Variants in BASP1 observed in about 807,000 individuals in gnomAD.
The protein encoded by BASP1 is brain acid soluble protein 1.
BASP1 carries 1 observed loss-of-function variant against 2.2 expected under a neutral mutation model. The observed-to-expected ratio is 0.46, with a 90% CI of 0.16 to 2.17. The LOEUF (loss-of-function observed/expected upper bound fraction) is 2.17. BASP1 is among the 30% of genes most tolerant of loss of function. The probability of loss-of-function intolerance (pLI) is 0.27; values close to 1 mark genes in which losing one functional copy is unlikely to be tolerated. For synonymous variants in BASP1, 187 were observed against 154.2 expected, an observed-to-expected ratio of 1.21 and a Z score of -1.58; for missense variants, 352 against 327.2, an observed-to-expected ratio of 1.08 and a Z score of -0.58.
intron 1 of BASP1, among the ~76,000 whole-genome samples, chr5:17,218,188 G>A (rs2126482721): frequency 6.6e-6 from 1 of 151,340 alleles, no homozygotes; most frequent in Admixed American, 6.6e-5. Context: ...GGTTCTGTGG[G>A]CTGAAGGGAG....
chr5:17,253,835 G>A (rs1473941337), intron 1 of BASP1, among the ~76,000 whole-genome samples: 1 of 152,072 alleles, frequency 6.6e-6, no homozygotes, highest in East Asian at 1.9e-4. Context: ...AAATTTACGT[G>A]TGTTTTACTC....
chr5:17,267,399 C>T (rs1241836667), intron 1 of BASP1, among the ~76,000 whole-genome samples: 1 of 152,140 alleles, frequency 6.6e-6, no homozygotes, highest in African/African-American at 2.4e-5. Context: ...TCATTCCTTA[C>T]AGAGTTTACA....
chr5:17,225,271 T>TA (rs3215105), intron 1 of BASP1, among the ~76,000 whole-genome samples: 96 of 146,654 alleles, frequency 6.5e-4, no homozygotes, highest in East Asian at 3.2e-3. Context: ...CTAGAACCAT[T>TA]AAAAAAAAAA....
chr5:17,226,317 AC>A (rs1237335200), intron 1 of BASP1, among the ~76,000 whole-genome samples: 1 of 152,212 alleles, frequency 6.6e-6, no homozygotes, highest in Non-Finnish European at 1.5e-5. Context: ...TTAGATAAAA[AC>A]TTTTCCTGGT....
chr5:17,270,889 T>A lies in BASP1; in HGVS notation c.-9-4319T>A, dbSNP rs146240801. Among the ~76,000 whole-genome samples the A allele has an allele frequency of 1.2e-3, 187 of 152,324 alleles. 2 individuals carry two copies. In the East Asian group the frequency reaches 0.025, roughly 21 times the overall value. The stretch of plus-strand genomic sequence containing the variant: ...CGGAAGGACGATGAGATTAAATAAC[T>A]TGCCCAAGGATTCTGGGTGGGTGTG... On this transcript the variant is annotated intron_variant, in intron 1 of 1. Coordinates refer to ENST00000322611, the MANE Select transcript of BASP1 (RefSeq NM_006317.5).
intron 1 of BASP1, among the ~76,000 whole-genome samples, chr5:17,261,887 T>C (rs923894421): frequency 1.3e-5 from 2 of 152,258 alleles, no homozygotes; most frequent in Non-Finnish European, 2.9e-5. Context: ...TTCTGGCGCC[T>C]CATGTGCTCT....
rs1162516596 is a variant in BASP1 at position 17,236,422 on chromosome 5, C to T, written c.-10+18612C>T. Among the ~76,000 whole-genome samples the T allele has an allele frequency of 6.6e-6, 1 of 152,072 alleles. No homozygotes were observed. Among genetic ancestry groups the T allele is most frequent in the Non-Finnish European group, 1.5e-5 (1 of 68,020 alleles). ...GGGATTACAGGCACCTGCCACCATG[C>T]CTGGCTAATTTTTTGTATTTTTAGT... On this transcript the variant is annotated intron_variant, in intron 1 of 1. Transcript: ENST00000322611. This position sits in a 1 kb window ranked among gnomAD's most constrained non-coding sequence, Gnocchi z 4.0.
At chr5:17,244,228 A>G (rs1039680530) in intron 1 of BASP1, among the ~76,000 whole-genome samples, 2 of 152,224 alleles carry the variant, frequency 1.3e-5, no homozygotes, top group Non-Finnish European at 2.9e-5. Context: ...AAATTAGTCC[A>G]TGCCAGTGTA....
chr5:17,234,365 C>T (rs1228722194), intron 1 of BASP1, among the ~76,000 whole-genome samples: 1 of 151,858 alleles, frequency 6.6e-6, no homozygotes, highest in Admixed American at 6.6e-5. Context: ...TACACTTACA[C>T]ATTTGAAGCC....
At position 17,236,030 on chromosome 5, in the gene BASP1, T is replaced by C. The variant is rs1215976417; in HGVS notation, c.-10+18220T>C. Among the ~76,000 whole-genome samples, 2 of 149,792 alleles carry C rather than the reference T, an allele frequency of 1.3e-5. No homozygotes were observed. Among genetic ancestry groups the C allele is most frequent in the Non-Finnish European group, 3.0e-5 (2 of 67,154 alleles). ...TGCAAACTTTCTTAAAACATGAGAC[T>C]TTTTTTTTTCTTTTTTAGCTCATTA... On this transcript the variant is annotated intron_variant, in intron 1 of 1. Transcript: ENST00000322611. The surrounding 1 kb of genome is among the most constrained non-coding windows in gnomAD (Gnocchi z 4.0).
At chr5:17,231,521 G>A (rs1227792556) in intron 1 of BASP1, among the ~76,000 whole-genome samples, 1 of 151,914 alleles carries the variant, frequency 6.6e-6, no homozygotes, top group African/African-American at 2.4e-5. Context: ...TCTTACCTCC[G>A]TTCCTACACA....
intron 1 of BASP1, among the ~76,000 whole-genome samples, chr5:17,224,507 T>C (rs1277150451): frequency 1.3e-5 from 2 of 152,148 alleles, no homozygotes; most frequent in Non-Finnish European, 2.9e-5. Context: ...CCTTTTCACA[T>C]ATTGACATCT....
rs752342139 is a variant in BASP1, at chr5:17,236,453, C to T, written c.-10+18643C>T. ...TAATTTTTTGTATTTTTAGTAGAGA[C>T]GGGGTTTCGCCTTGTTGGTCAGGCT... is the stretch of plus-strand genomic sequence containing the variant. On this transcript the variant is annotated intron_variant, in intron 1 of 1. Transcript: ENST00000322611. This position sits in a 1 kb window ranked among gnomAD's most constrained non-coding sequence, Gnocchi z 4.0. 2.0e-5 allele frequency among the ~76,000 whole-genome samples: 3 copies of T among 151,944 alleles called. No individual in the cohort carries two copies. The highest frequency in any genetic ancestry group is 2.4e-5 in the African/African-American group (1 of 41,374).
At chr5:17,259,417 G>A (rs1421815713) in intron 1 of BASP1, among the ~76,000 whole-genome samples, 12 of 152,240 alleles carry the variant, frequency 7.9e-5, no homozygotes, top group Non-Finnish European at 1.0e-4. Context: ...ATTCATCTTT[G>A]GATTGAATAC....
chr5:17,243,870 C>T (rs1739922184), intron 1 of BASP1, among the ~76,000 whole-genome samples: 3 of 152,228 alleles, frequency 2.0e-5, no homozygotes, highest in Admixed American at 6.5e-5. Flanking sequence ...AAACAAAACA[C>T]TGCTGTGTCC....
intron 1 of BASP1, among the ~76,000 whole-genome samples, chr5:17,235,554 G>T (rs537062066): frequency 1.3e-5 from 2 of 152,046 alleles, no homozygotes; most frequent in African/African-American, 2.4e-5. Flanking sequence ...GAGCCACCAC[G>T]CCTGGCCTGC....
At chr5:17,224,382 G>A (rs538811057) in intron 1 of BASP1, among the ~76,000 whole-genome samples, 157 of 146,112 alleles carry the variant, frequency 1.1e-3, no homozygotes, top group Non-Finnish European at 1.9e-3. Context: ...ATTTCAATCC[G>A]TGTAGATGGA....
chr5:17,232,752 A>ATTTACTT (rs1739660964), intron 1 of BASP1, among the ~76,000 whole-genome samples: 1 of 152,074 alleles, frequency 6.6e-6, no homozygotes, highest in Non-Finnish European at 1.5e-5. Flanking sequence ...GGTGGGGCAC[A>ATTTACTT]ACTAAGACAT....
At chr5:17,245,201 C>G (rs1739952185) in intron 1 of BASP1, among the ~76,000 whole-genome samples, 2 of 150,774 alleles carry the variant, frequency 1.3e-5, no homozygotes, top group African/African-American at 2.4e-5. Context: ...ACTCAGGAGG[C>G]TGAGGCAGGA....
Sources: allele counts gnomAD v4.1 joint callset (sites outside exome capture counted in the v4.1 genomes callset), GRCh38; gene constraint gnomAD v4.1.1; non-coding constraint Gnocchi (gnomAD v3.1); transcripts MANE v1.5; gene names NCBI Gene and HGNC (gene_info 2026-07-23, HGNC 2026-07-21).